The following LRRC27 variants were observed in gnomAD, a reference collection of about 807,000 sequenced individuals.
LRRC27 encodes the protein leucine rich repeat containing 27, also known as leucine-rich repeat-containing protein 27.
LRRC27 carries 57 observed loss-of-function variants against 55.0 expected under a neutral mutation model. The observed-to-expected ratio is 1.04, with a 90% CI of 0.84 to 1.29. The LOEUF (loss-of-function observed/expected upper bound fraction) is 1.29. Ranked by LOEUF, LRRC27 falls within the 50% of genes most tolerant of loss-of-function variation. The probability of loss-of-function intolerance (pLI) is 0.00; values close to 1 mark genes in which losing one functional copy is unlikely to be tolerated. For synonymous variants in LRRC27, 278 were observed against 251.9 expected (o/e 1.10, Z -0.98); for missense variants, 721 against 651.5 (o/e 1.11, Z -1.16).
rs139137065 is a variant in LRRC27 at position 132,371,123 on chromosome 10, C to T, written c.1417-3943C>T. 3.5e-4 allele frequency among the ~76,000 whole-genome samples: 53 copies of T among 152,392 alleles called. No individual in the cohort carries two copies. The East Asian group carries it at 6.9e-3, about 20-fold the overall frequency. On this transcript the variant is annotated intron_variant, in intron 10 of 10. Coordinates refer to ENST00000368614, the MANE Select transcript of LRRC27 (RefSeq NM_030626.3). ...CTAGAAGCAGAGGGTCTCATTCTCC[C>T]GGCTTCTTCCCCGGCCCCTCGTGTT... is the stretch of plus-strand genomic sequence containing the variant.
At position 132,364,553 on chromosome 10, in the gene LRRC27, C is replaced by CCACACTCACACCCACCCACACT. The variant is rs2068901474; in HGVS notation, c.1290-865_1290-864insCACACCCACCCACACTCACACT. On this transcript the variant is annotated intron_variant, in intron 9 of 10. Transcript: ENST00000368614. ...CCCACACTTAAATCTACCTCCACAC[C>CCACACTCACACCCACCCACACT]CACACTTACACCCACGTCCACACCC... 4.1e-5 allele frequency among the ~76,000 whole-genome samples: 2 copies of CCACACTCACACCCACCCACACT among 48,330 alleles called. 1 individual carries two copies. Among genetic ancestry groups the CCACACTCACACCCACCCACACT allele is most frequent in the African/African-American group, 1.4e-4 (2 of 14,156 alleles). 31.7% of individuals were successfully genotyped at this position (48,330 alleles called of 152,430 possible). A position where few individuals can be genotyped will look rare whatever the true frequency, so the allele number is the denominator to read the frequency against.
At position 132,337,592 on chromosome 10, in the gene LRRC27, T is replaced by C. The variant is rs2067197496; in HGVS notation, c.238T>C (p.Cys80Arg). 1.2e-6 allele frequency: 2 copies of C among 1,614,234 alleles called. No homozygotes were observed. The highest frequency in any genetic ancestry group is 4.5e-5 in the East Asian group (2 of 44,892). ...ATTGCATCTGCAAAGGAATGCCCTG[T>C]GTGTGATTCCTCAAGATTTCTTTCA... is the stretch of plus-strand genomic sequence containing the variant. The part of the protein sequence containing the change: ...QQLHLQRNAL[C>R]VIPQDFFQLL... The change falls in exon 3 of 11, where the codon TGT becomes CGT. Residue 80 changes from cysteine (C) to arginine (R), a missense_variant. Cys to Arg is a radical substitution (Grantham distance 180). Transcript: ENST00000368614.
At chr10:132,353,353 C>G in intron 7 of LRRC27, 9 of 1,082,338 alleles carry the variant, frequency 8.3e-6, no homozygotes, top group Non-Finnish European at 1.0e-5. Flanking sequence ...GCCCCTGTGG[C>G]TCACCTGCTC....
chr10:132,346,807 A>C, intron 5 of LRRC27, among the ~76,000 whole-genome samples: 1 of 136,422 alleles, frequency 7.3e-6, no homozygotes, highest in East Asian at 2.3e-4. Context: ...GTTTCTAGTC[A>C]CTTGTACCCC....
At chr10:132,371,257 T>A (rs2069209260) in intron 10 of LRRC27, among the ~76,000 whole-genome samples, 1 of 152,156 alleles carries the variant, frequency 6.6e-6, no homozygotes, top group Non-Finnish European at 1.5e-5. Context: ...GAGCCTGGCC[T>A]GTGGGAGAAG....
rs1322910080 is a variant in LRRC27 at position 132,380,938 on chromosome 10, G to T, written c.*5696G>T. Among the ~76,000 whole-genome samples the T allele has an allele frequency of 6.6e-6, 1 of 152,238 alleles. No homozygotes were observed. The highest frequency in any genetic ancestry group is 6.5e-5 in the Admixed American group (1 of 15,286). On this transcript the variant is annotated 3_prime_UTR_variant, in exon 11 of 11. Coordinates refer to ENST00000368614, the MANE Select transcript of LRRC27 (RefSeq NM_030626.3). ...AGGAAATTTGTGAGCAGGCACAAAA[G>T]CCTTAACACTTTCTGTGAAATACCT...
In LRRC27 at chr10:132,351,564, G is replaced by A. The variant is rs761842179; in HGVS notation, c.927-43G>A. On this transcript the variant is annotated intron_variant, in intron 6 of 10. Coordinates refer to ENST00000368614, the MANE Select transcript of LRRC27 (RefSeq NM_030626.3). The stretch of plus-strand genomic sequence containing the variant: ...ACATGTTGTATGAATTACCGTCACA[G>A]GGTTTTGTTAAACATTCAGCTAAAA... 3.1e-6 allele frequency: 5 copies of A among 1,595,408 alleles called. No homozygotes were observed. The South Asian group carries it at 3.3e-5, about 11-fold the overall frequency.
chr10:132,365,323 C>T, intron 9 of LRRC27, 101 bp from the exon 10 acceptor site: 1 of 1,514,870 alleles, frequency 6.6e-7, no homozygotes, highest in Non-Finnish European at 9.1e-7. Flanking sequence ...GCTGTTTGGT[C>T]TGGGAAGAAA....
At chr10:132,358,177 C>T (rs2068393403) in intron 8 of LRRC27, among the ~76,000 whole-genome samples, 1 of 152,222 alleles carries the variant, frequency 6.6e-6, no homozygotes, top group Non-Finnish European at 1.5e-5. Context: ...AAAAGTATGG[C>T]AGGCAGTCCA....
At chr10:132,358,595 C>T (rs972260805) in intron 8 of LRRC27, among the ~76,000 whole-genome samples, 8 of 21,144 alleles carry the variant, frequency 3.8e-4, no homozygotes, top group East Asian at 1.2e-3. Flanking sequence ...GGTGGAGCAG[C>T]GTAGGGAGGA....
At chr10:132,335,804 C>CT (rs1307952912) in intron 2 of LRRC27, among the ~76,000 whole-genome samples, 4 of 152,200 alleles carry the variant, frequency 2.6e-5, no homozygotes, top group Admixed American at 1.3e-4. Flanking sequence ...CTCAGGGGCT[C>CT]TTCAAGTATT....
At chr10:132,357,614 A>G (rs72863808) in intron 8 of LRRC27, among the ~76,000 whole-genome samples, 5,390 of 152,184 alleles carry the variant, frequency 0.035, 145 homozygotes, top group Non-Finnish European at 0.052. Flanking sequence ...ACAGCAACCC[A>G]GTGACTTTGC....
chr10:132,361,548 A>T lies in LRRC27; in HGVS notation c.1262A>T (p.Lys421Ile), dbSNP rs756570874. 6.2e-7 allele frequency: 1 copy of T among 1,613,708 alleles called. No homozygotes were observed. Among genetic ancestry groups the T allele is most frequent in the Non-Finnish European group, 8.5e-7 (1 of 1,179,812 alleles). The change falls in exon 9 of 11, where the codon AAA becomes ATA. Residue 421 changes from lysine (K) to isoleucine (I), a missense_variant. By Grantham distance (102) the Lys-to-Ile change is moderately radical. Coordinates refer to ENST00000368614, the MANE Select transcript of LRRC27 (RefSeq NM_030626.3). ...PPGKMKPSKE[K>I]SPQASKEMSA... ...GGAAAAATGAAACCAAGCAAAGAGA[A>T]ATCGCCACAAGCAAGTAAAGAAATG...
At chr10:132,361,600 G>T (rs191438180) in intron 9 of LRRC27, 25 bp downstream of exon 9, 12 of 1,540,508 alleles carry the variant, frequency 7.8e-6, no homozygotes, top group Admixed American at 5.0e-5. Flanking sequence ...CTGGCACTCA[G>T]TCCTTCCAGG....
chr10:132,363,283 C>T (rs972024814), intron 9 of LRRC27, among the ~76,000 whole-genome samples: 12 of 151,196 alleles, frequency 7.9e-5, no homozygotes, highest in Middle Eastern at 3.4e-3. Context: ...CTCGGGGGTC[C>T]GGGGTTCACC....
intron 8 of LRRC27, 97 bp downstream of exon 8, chr10:132,355,983 TG>T: frequency 1.2e-6 from 1 of 817,570 alleles, no homozygotes; most frequent in East Asian, 3.0e-5. Flanking sequence ...AGCCGAGACC[TG>T]GGGGTGTGGG....
At chr10:132,333,796 G>C in intron 2 of LRRC27, 62 bp downstream of exon 2, 1 of 1,257,220 alleles carries the variant, frequency 8.0e-7, no homozygotes, top group Non-Finnish European at 1.1e-6. Flanking sequence ...AAATGGGAAT[G>C]TACCCCTGGG....
chr10:132,369,002 A>G (rs1266587901), intron 10 of LRRC27, among the ~76,000 whole-genome samples: 2 of 152,194 alleles, frequency 1.3e-5, no homozygotes, highest in African/African-American at 4.8e-5. Context: ...CTGCAGAGAC[A>G]CCTCATCAAA....
At chr10:132,342,129 A>C (rs1424773809) in intron 3 of LRRC27, 84 bp from the exon 4 acceptor site, 4 of 867,980 alleles carry the variant, frequency 4.6e-6, no homozygotes, top group African/African-American at 1.7e-5. Flanking sequence ...AAGAGAAGAA[A>C]AATGAAGAAA....
Sources: allele counts gnomAD v4.1 joint callset (sites outside exome capture counted in the v4.1 genomes callset), GRCh38; gene constraint gnomAD v4.1.1; transcripts MANE v1.5; gene names NCBI Gene and HGNC (gene_info 2026-07-23, HGNC 2026-07-21).